The following TOM1L1 variants were observed in gnomAD, a reference collection of about 807,000 sequenced individuals.
TOM1L1 encodes the protein TOM1-like protein 1.
A neutral mutation model predicts 63.4 loss-of-function variants in TOM1L1; 64 were observed. The ratio of observed to expected loss-of-function variants is 1.01; its 90% CI spans 0.83 to 1.24. The LOEUF (loss-of-function observed/expected upper bound fraction) is 1.24. TOM1L1 is among the 50% of genes most tolerant of loss of function. The pLI is 0.00. For synonymous variants in TOM1L1, 166 were observed against 194.4 expected (o/e 0.85, Z 1.22); for missense variants, 536 against 567.0 (o/e 0.95, Z 0.55).
chr17:54,930,462 T>C (rs2048840477), intron 8 of TOM1L1: 1 of 353,432 alleles, frequency 2.8e-6, no homozygotes. Context: ...CTCAGCACTT[T>C]TGGAGGCCGA....
At position 54,960,262 on chromosome 17, in the gene TOM1L1, G is replaced by T. The variant is rs1053983205; in HGVS notation, c.1371-304G>T. Among the ~76,000 whole-genome samples, 2 of 152,106 alleles carry T rather than the reference G, an allele frequency of 1.3e-5. 1 individual carries two copies. The highest frequency in any genetic ancestry group is 4.8e-5 in the African/African-American group (2 of 41,430). ...TCCCTGTAATCCCAGCTACTCGTGG[G>T]GCTGAGGCAGGAGAATCACTTGAAC... On this transcript the variant is annotated intron_variant, in intron 14 of 15. Transcript: ENST00000575882.
rs2048949815 is a variant in TOM1L1 at position 54,936,574 on chromosome 17, A to T, written c.855-75A>T. 2.4e-6 allele frequency: 3 copies of T among 1,233,046 alleles called. No individual in the cohort carries two copies. In the African/African-American group the frequency reaches 4.7e-5, roughly 19 times the overall value. 76.4% of individuals were successfully genotyped at this position (1,233,046 alleles called of 1,614,324 possible). ...TGTCTTCATTCCTAAATATTTGTGT[A>T]TTAATAATTGTTAGATTTTTATAGC... On this transcript the variant is annotated intron_variant, in intron 8 of 15. Coordinates refer to ENST00000575882, the MANE Select transcript of TOM1L1 (RefSeq NM_005486.3).
chr17:54,943,658 C>T (rs911119004), intron 11 of TOM1L1, among the ~76,000 whole-genome samples: 1 of 152,020 alleles, frequency 6.6e-6, no homozygotes, highest in Admixed American at 6.6e-5. Flanking sequence ...TTTCAGTCTA[C>T]CTAAAATCAA....
chr17:54,928,762 C>T (rs2048809643), intron 7 of TOM1L1, among the ~76,000 whole-genome samples: 1 of 152,170 alleles, frequency 6.6e-6, no homozygotes, highest in Admixed American at 6.5e-5. Flanking sequence ...GTTTTTCTGG[C>T]CGCATGTTGC....
intron 3 of TOM1L1, among the ~76,000 whole-genome samples, chr17:54,905,970 G>A (rs1469267223): frequency 6.6e-6 from 1 of 152,070 alleles, no homozygotes; most frequent in Non-Finnish European, 1.5e-5. Flanking sequence ...AGGAGTTTGA[G>A]AACAGCCTGG....
At chr17:54,947,640 G>GATCA (rs1047750481) in intron 12 of TOM1L1, among the ~76,000 whole-genome samples, 3 of 152,136 alleles carry the variant, frequency 2.0e-5, no homozygotes, top group African/African-American at 7.2e-5. Flanking sequence ...TGACAAAGTT[G>GATCA]ATCACTTCCT....
At chr17:54,949,314 G>C (rs889802876) in intron 12 of TOM1L1, among the ~76,000 whole-genome samples, 3 of 150,968 alleles carry the variant, frequency 2.0e-5, no homozygotes, top group African/African-American at 7.3e-5. Context: ...GAGATAACAG[G>C]CATGAGCCAC....
In TOM1L1 at chr17:54,904,155, C is replaced by T. The variant is rs183136292; in HGVS notation, c.143+363C>T. Reference sequence around the variant, plus strand: ...GGCCGAGGCGGGCGGATCATGAGGTCGGGAGATGGAGACCATCCTGGCTAA... The same window carrying T: ...GGCCGAGGCGGGCGGATCATGAGGTTGGGAGATGGAGACCATCCTGGCTAA... On this transcript the variant is annotated intron_variant, in intron 2 of 15. Coordinates refer to ENST00000575882, the MANE Select transcript of TOM1L1 (RefSeq NM_005486.3). 3.7e-3 allele frequency among the ~76,000 whole-genome samples: 562 copies of T among 152,118 alleles called. 6 individuals are homozygous for T. Among genetic ancestry groups the T allele is most frequent in the African/African-American group, 8.8e-3 (367 of 41,480 alleles).
chr17:54,939,839 C>T (rs1389849036), intron 11 of TOM1L1, among the ~76,000 whole-genome samples: 1 of 152,108 alleles, frequency 6.6e-6, no homozygotes, highest in Admixed American at 6.5e-5. Context: ...AGCCACTGCA[C>T]CAGCCTGTTA....
chr17:54,936,839 G>T, intron 9 of TOM1L1, 130 bp downstream of exon 9: 1 of 779,078 alleles, frequency 1.3e-6, no homozygotes, highest in Non-Finnish European at 2.1e-6. Context: ...GGTTTTAATG[G>T]TATAGATTAC....
At position 54,937,204 on chromosome 17, in the gene TOM1L1, G is replaced by GAATAATC; in HGVS notation, c.1014_1020dup (p.Leu341Ter). ...CCACTCTGGGAGAACTCAACACCAT[G>GAATAATC]AATAATCAACTTTCAGGCTTAAGTA... On this transcript the variant is annotated frameshift_variant, in exon 10 of 16. Coordinates refer to ENST00000575882, the MANE Select transcript of TOM1L1 (RefSeq NM_005486.3). LOFTEE classifies it high-confidence loss of function. The GAATAATC allele has an allele frequency of 6.2e-7, 1 of 1,613,224 alleles. No homozygotes were observed. Among genetic ancestry groups the GAATAATC allele is most frequent in the Non-Finnish European group, 8.5e-7 (1 of 1,179,440 alleles).
At chr17:54,926,170 G>A (rs1361722783) in intron 7 of TOM1L1, among the ~76,000 whole-genome samples, 1 of 152,156 alleles carries the variant, frequency 6.6e-6, no homozygotes, top group African/African-American at 2.4e-5. Flanking sequence ...ATTTTGTGCA[G>A]TAGACACATT....
At chr17:54,926,163 T>C (rs972226161) in intron 7 of TOM1L1, among the ~76,000 whole-genome samples, 2 of 152,216 alleles carry the variant, frequency 1.3e-5, no homozygotes, top group African/African-American at 2.4e-5. Context: ...TAAAACCATT[T>C]TGTGCAGTAG....
Position 54,937,349 on chromosome 17 carries a change from T to C in TOM1L1, c.1033+123T>C, listed in dbSNP as rs956371938. 6 of 773,492 alleles carry C rather than the reference T, an allele frequency of 7.8e-6. No individual in the cohort carries two copies. The African/African-American group carries it at 8.6e-5, about 11-fold the overall frequency. The allele number at this position is 773,492 out of a possible 1,614,324, so 47.9% of individuals were successfully genotyped here. A position where few individuals can be genotyped will look rare whatever the true frequency, so the allele number is the denominator to read the frequency against. On this transcript the variant is annotated intron_variant, in intron 10 of 15. Coordinates refer to ENST00000575882, the MANE Select transcript of TOM1L1 (RefSeq NM_005486.3). ...AGTCAGGTTGAATGTCAGAGCGCTATGTTAGGAGATGTGATTACTTCCCGG... is the reference window on the plus strand; with the variant it reads ...AGTCAGGTTGAATGTCAGAGCGCTACGTTAGGAGATGTGATTACTTCCCGG...
At chr17:54,905,628 A>T in intron 3 of TOM1L1, 61 bp downstream of exon 3, 1 of 1,076,402 alleles carries the variant, frequency 9.3e-7, no homozygotes, top group Non-Finnish European at 1.4e-6. Flanking sequence ...TTACATTTTT[A>T]ATCCTGGGTA....
At chr17:54,932,396 T>C (rs1227023764) in intron 8 of TOM1L1, among the ~76,000 whole-genome samples, 1 of 151,970 alleles carries the variant, frequency 6.6e-6, no homozygotes, top group African/African-American at 2.4e-5. Context: ...AGGTCAGGGG[T>C]CGATCTTTAA....
chr17:54,917,595 C>T (rs548489999), intron 7 of TOM1L1: 61 of 152,014 alleles, frequency 4.0e-4, no homozygotes, highest in Admixed American at 3.0e-3. Flanking sequence ...TTATATTTAA[C>T]GCTGCTTTTT....
intron 3 of TOM1L1, among the ~76,000 whole-genome samples, chr17:54,911,222 CT>C (rs1431283284): frequency 6.6e-6 from 1 of 152,172 alleles, no homozygotes; most frequent in Non-Finnish European, 1.5e-5. Context: ...TTTCTTTTGA[CT>C]TTACCAAAGG....
intron 3 of TOM1L1, among the ~76,000 whole-genome samples, chr17:54,908,045 C>T (rs1379084960): frequency 6.6e-6 from 1 of 152,152 alleles, no homozygotes; most frequent in Non-Finnish European, 1.5e-5. Flanking sequence ...GGCTTCCACT[C>T]TTCCTTCTCA....
Sources: allele counts gnomAD v4.1 joint callset (sites outside exome capture counted in the v4.1 genomes callset), GRCh38; gene constraint gnomAD v4.1.1; transcripts MANE v1.5; gene names NCBI Gene and HGNC (gene_info 2026-07-23, HGNC 2026-07-21).